ZFC3H1: variants seen among roughly 807,000 people sequenced by gnomAD.
ZFC3H1 encodes the protein zinc finger C3H1 domain-containing protein.
A neutral mutation model predicts 243.7 loss-of-function variants in ZFC3H1; 71 were observed. The observed-to-expected ratio is 0.29, with a 90% confidence interval of 0.24 to 0.36. ZFC3H1 has a LOEUF of 0.36. Ranked by LOEUF, ZFC3H1 falls within the 10% of genes least tolerant of loss-of-function variation. The pLI is 1.00. For missense variants in ZFC3H1, 1,966 were observed against 2,317.1 expected, an observed-to-expected ratio of 0.85 and a Z score of 3.11; for synonymous variants, 838 against 813.0, an observed-to-expected ratio of 1.03 and a Z score of -0.52.
At position 71,650,273 on chromosome 12, in the gene ZFC3H1, CA is replaced by C. The variant is rs910862211; in HGVS notation, c.1016-2461del. Reference sequence around the variant, plus strand: ...CCTGGGCAACAGAGCGAGTCCGTCTCAAAAAAAAATTAATAAATACAATAAA... The same window carrying C: ...CCTGGGCAACAGAGCGAGTCCGTCTCAAAAAAAATTAATAAATACAATAAA... On this transcript the variant is annotated intron_variant, in intron 2 of 34. Coordinates refer to ENST00000378743, the MANE Select transcript of ZFC3H1 (RefSeq NM_144982.5). Among the ~76,000 whole-genome samples the C allele has an allele frequency of 4.6e-5, 7 of 150,906 alleles. No individual in the cohort carries two copies. In the South Asian group the frequency reaches 8.4e-4, roughly 18 times the overall value.
intron 22 of ZFC3H1, among the ~76,000 whole-genome samples, chr12:71,625,830 A>C (rs1412052469): frequency 6.6e-6 from 1 of 152,224 alleles, no homozygotes; most frequent in Non-Finnish European, 1.5e-5. Flanking sequence ...TAAGCAATGG[A>C]AACAAATAAT....
chr12:71,663,104 C>G lies in ZFC3H1; in HGVS notation c.507G>C (p.Lys169Asn). The change falls in exon 1 of 35, where the codon AAG (lysine) becomes AAC (asparagine). Residue 169 changes from lysine (K) to asparagine (N), a missense_variant. Physicochemically the swap from Lys to Asn is moderately conservative, Grantham distance 94. Coordinates refer to ENST00000378743, the MANE Select transcript of ZFC3H1 (RefSeq NM_144982.5). ...RGRGVGERGGKPGCRPPLGGG... is the reference protein window; with the variant it reads ...RGRGVGERGGNPGCRPPLGGG... ...CTCCCAGAGGAGGTCTGCACCCCGG[C>G]TTGCCTCCTCGCTCACCCACTCCTC... 1 of 1,614,114 alleles carries G rather than the reference C, an allele frequency of 6.2e-7. No homozygotes were observed. The highest frequency in any genetic ancestry group is 8.5e-7 in the Non-Finnish European group (1 of 1,180,048).
At position 71,624,366 on chromosome 12, in the gene ZFC3H1, A is replaced by G. The variant is rs1262258355; in HGVS notation, c.4318-74T>C. On this transcript the variant is annotated intron_variant, in intron 22 of 34. Coordinates refer to ENST00000378743, the MANE Select transcript of ZFC3H1 (RefSeq NM_144982.5). ...CAAAACTACAGACTTTTCACATTTC[A>G]TTAAGAAACCATCTCATAGTAAATC... is the stretch of plus-strand genomic sequence containing the variant. The G allele has an allele frequency of 6.5e-6, 9 of 1,393,966 alleles. No homozygotes were observed. The African/African-American group carries it at 1.1e-4, about 18-fold the overall frequency. The allele number at this position is 1,393,966 out of a possible 1,614,324, so 86.3% of individuals were successfully genotyped here.
At position 71,663,601 on chromosome 12, in the gene ZFC3H1, C is replaced by G. The variant is rs1289375140; in HGVS notation, c.10G>C (p.Ala4Pro). Reference sequence around the variant, plus strand: ...CTGGAGGCCGGGGCCGGAGTATCTGCGGTCGCCATCCGGGGAGCAGCGCCT... The same window carrying G: ...CTGGAGGCCGGGGCCGGAGTATCTGGGGTCGCCATCCGGGGAGCAGCGCCT... Reference protein sequence around the residue: MATADTPAPASSGL... With the variant: MATPDTPAPASSGL... The change falls in exon 1 of 35, where the codon GCA becomes CCA. Residue 4 changes from alanine (A) to proline (P), a missense_variant. Physicochemically the swap from Ala to Pro is conservative, Grantham distance 27 (BLOSUM62 -1). This residue lies in a region of ZFC3H1 where 484 missense variants were observed against 449.7 expected (regional missense o/e 1.08). Coordinates refer to ENST00000378743, the MANE Select transcript of ZFC3H1 (RefSeq NM_144982.5). The G allele has an allele frequency of 3.1e-6, 5 of 1,608,820 alleles. No homozygotes were observed. Among genetic ancestry groups the G allele is most frequent in the Non-Finnish European group, 4.2e-6 (5 of 1,178,874 alleles).
chr12:71,616,994 A>C (rs1268718848), intron 27 of ZFC3H1, among the ~76,000 whole-genome samples: 1 of 152,158 alleles, frequency 6.6e-6, no homozygotes, highest in Admixed American at 6.5e-5. Context: ...TTAATCTTCA[A>C]ATTGACTTGA....
intron 2 of ZFC3H1, chr12:71,656,303 C>CT (rs1881017717): frequency 1.1e-5 from 4 of 367,366 alleles, no homozygotes; most frequent in Non-Finnish European, 1.9e-5. Context: ...TAAATTATAT[C>CT]TTAATAAAGA....
intron 11 of ZFC3H1, 58 bp from the exon 12 acceptor site, chr12:71,634,362 T>A (rs1880407080): frequency 6.5e-7 from 1 of 1,539,364 alleles, no homozygotes; most frequent in Admixed American, 2.0e-5. Flanking sequence ...AAACTATTTT[T>A]AAAATGTATT....
chr12:71,653,735 G>T (rs377321606), intron 2 of ZFC3H1, among the ~76,000 whole-genome samples: 2 of 152,244 alleles, frequency 1.3e-5, no homozygotes, highest in African/African-American at 4.8e-5. Flanking sequence ...ATAATTAGGG[G>T]CTGGGTGTGG....
intron 26 of ZFC3H1, among the ~76,000 whole-genome samples, 157 bp downstream of exon 26, chr12:71,619,769 A>T (rs1276334580): frequency 6.6e-6 from 1 of 152,212 alleles, no homozygotes; most frequent in Non-Finnish European, 1.5e-5. Context: ...TAGGAATAAA[A>T]TTACAAAGCA....
intron 22 of ZFC3H1, 25 bp downstream of exon 22, chr12:71,626,235 C>T: frequency 6.2e-7 from 1 of 1,610,514 alleles, no homozygotes; most frequent in South Asian, 1.1e-5. Flanking sequence ...CACACACACA[C>T]ACGTACGTTA....
intron 20 of ZFC3H1, among the ~76,000 whole-genome samples, chr12:71,628,313 A>G (rs143986209): frequency 0.011 from 1,668 of 152,374 alleles, 83 homozygotes; most frequent in Admixed American, 0.091. Flanking sequence ...GTCATAATTT[A>G]TAAAGATTAT....
chr12:71,648,829 C>G (rs939548183), intron 2 of ZFC3H1, among the ~76,000 whole-genome samples: 2 of 152,092 alleles, frequency 1.3e-5, no homozygotes, highest in Non-Finnish European at 2.9e-5. Flanking sequence ...GTGGCTTATG[C>G]CTGCAATCCC....
At position 71,610,328 on chromosome 12, in the gene ZFC3H1, C is replaced by T; in HGVS notation, c.*100G>A. 2 of 1,395,710 alleles carry T rather than the reference C, an allele frequency of 1.4e-6. No individual in the cohort carries two copies. The highest frequency in any genetic ancestry group is 1.9e-4 in the Middle Eastern group (1 of 5,302). The allele number at this position is 1,395,710 out of a possible 1,614,324, so 86.5% of individuals were successfully genotyped here. A position where few individuals can be genotyped will look rare whatever the true frequency, so the allele number is the denominator to read the frequency against. On this transcript the variant is annotated 3_prime_UTR_variant, in exon 35 of 35. Coordinates refer to ENST00000378743, the MANE Select transcript of ZFC3H1 (RefSeq NM_144982.5). ...TGATATGATCAATAACGCTTGTCTG[C>T]CTTACACAGACCTTAGCCAGGGATC...
At chr12:71,615,720 G>T (rs1879878556) in intron 27 of ZFC3H1, among the ~76,000 whole-genome samples, 1 of 152,040 alleles carries the variant, frequency 6.6e-6, no homozygotes, top group African/African-American at 2.4e-5. Flanking sequence ...GTTTCACCAT[G>T]TTGGCCAGGT....
chr12:71,615,429 G>T, intron 27 of ZFC3H1, 113 bp from the exon 28 acceptor site: 1 of 710,472 alleles, frequency 1.4e-6, no homozygotes, highest in East Asian at 2.7e-5. Flanking sequence ...TATTTTTTTA[G>T]AAAGCAATGA....
At chr12:71,617,973 T>A (rs1470593339) in intron 27 of ZFC3H1, among the ~76,000 whole-genome samples, 1 of 151,972 alleles carries the variant, frequency 6.6e-6, no homozygotes, top group Non-Finnish European at 1.5e-5. Flanking sequence ...TCACAACAAG[T>A]TCTAGGGTGG....
rs1320529214 is a variant in ZFC3H1, at chr12:71,652,217, A to G, written c.1016-4404T>C. On this transcript the variant is annotated intron_variant, in intron 2 of 34. Coordinates refer to ENST00000378743, the MANE Select transcript of ZFC3H1 (RefSeq NM_144982.5). ...TTATATATATAATTTACTGATTCAG[A>G]TGACATTTTAGTTCCTTTGATTTTC... 2.0e-5 allele frequency among the ~76,000 whole-genome samples: 3 copies of G among 152,180 alleles called. No individual in the cohort carries two copies. The East Asian group carries it at 5.8e-4, about 29-fold the overall frequency.
At chr12:71,645,428 C>T (rs944413503) in intron 3 of ZFC3H1, among the ~76,000 whole-genome samples, 1 of 152,138 alleles carries the variant, frequency 6.6e-6, no homozygotes, top group Admixed American at 6.5e-5. Context: ...GCAGCAAATG[C>T]AATGAAGAAA....
rs1880523575 is a variant in ZFC3H1, at chr12:71,638,533, G to A, written c.1628-18C>T. 6.3e-7 allele frequency: 1 copy of A among 1,576,486 alleles called. No individual in the cohort carries two copies. The highest frequency in any genetic ancestry group is 1.9e-5 in the Admixed American group (1 of 52,438). On this transcript the variant is annotated intron_variant, in intron 6 of 34. Transcript: ENST00000378743. ...TGAAGGAGCTGTAAAAAAATTTTTT[G>A]TTAAGAGTTTAATAACAGAAATACT...
Sources: allele counts gnomAD v4.1 joint callset (sites outside exome capture counted in the v4.1 genomes callset), GRCh38; gene constraint gnomAD v4.1.1; regional missense constraint gnomAD v4.1.1; transcripts MANE v1.5; gene names NCBI Gene and HGNC (gene_info 2026-07-23, HGNC 2026-07-21).